The following PHF3 variants were observed in gnomAD, a reference collection of about 807,000 sequenced individuals.
PHF3 encodes PHD finger protein 3.
PHF3 carries 41 observed loss-of-function variants against 178.4 expected under a neutral mutation model. That is an observed-to-expected ratio of 0.23 (90% CI 0.18 to 0.30). PHF3 has a LOEUF of 0.30. Among genes scored for constraint, PHF3 ranks in the 10% least tolerant of loss-of-function variants. The probability of loss-of-function intolerance (pLI) is 1.00; values close to 1 mark genes in which losing one functional copy is unlikely to be tolerated. For synonymous variants in PHF3, 842 were observed against 800.5 expected (o/e 1.05, Z -0.88); for missense variants, 2,346 against 2,398.1 (o/e 0.98, Z 0.45).
At chr6:63,653,325 G>C (rs944954631) in intron 2 of PHF3, among the ~76,000 whole-genome samples, 4 of 151,786 alleles carry the variant, frequency 2.6e-5, no homozygotes, top group African/African-American at 9.7e-5. Context: ...AACCACGAAC[G>C]TTGGATGTCT....
Position 63,720,994 on chromosome 6 carries a change from G to A in PHF3, c.*7286G>A. The A allele has an allele frequency of 6.4e-7, 1 of 1,551,272 alleles. No individual in the cohort carries two copies. Among genetic ancestry groups the A allele is most frequent in the Non-Finnish European group, 8.7e-7 (1 of 1,146,768 alleles). ...GCTATTTTCAAGGTCTGATTATGGA[G>A]ACCAATTGCCAGAAAATCATTTTCT... On this transcript the variant is annotated 3_prime_UTR_variant, in exon 16 of 16. Transcript: ENST00000262043.
chr6:63,669,974 CA>C (rs531990025), intron 2 of PHF3, among the ~76,000 whole-genome samples: 35 of 152,082 alleles, frequency 2.3e-4, no homozygotes, highest in African/African-American at 7.9e-4. Flanking sequence ...ACAGAGTTGA[CA>C]TTTTTTTTTC....
intron 3 of PHF3, among the ~76,000 whole-genome samples, chr6:63,683,402 A>G (rs1397203185): frequency 6.6e-6 from 1 of 152,054 alleles, no homozygotes; most frequent in African/African-American, 2.4e-5. Context: ...AGAATAGGGA[A>G]ATGAAACTCT....
Position 63,713,228 on chromosome 6 carries a change from C to T in PHF3, c.5640C>T (p.Gly1880=), listed in dbSNP as rs935206489. The T allele has an allele frequency of 6.2e-7, 1 of 1,614,034 alleles. No homozygotes were observed. Among genetic ancestry groups the T allele is most frequent in the Non-Finnish European group, 8.5e-7 (1 of 1,179,976 alleles). ...GPLSQASRYI[G]PQNFYQVKDI... Reference sequence around the variant, plus strand: ...TCTCACAAGCATCAAGGTATATAGGCCCGCAGAATTTTTACCAGGTTAAAG... The same window carrying T: ...TCTCACAAGCATCAAGGTATATAGGTCCGCAGAATTTTTACCAGGTTAAAG... Residue 1880 remains glycine (G), a synonymous_variant, in exon 16 of 16, where the codon GGC becomes GGT. Coordinates refer to ENST00000262043, the MANE Select transcript of PHF3 (RefSeq NM_001370348.2).
chr6:63,660,745 G>C (rs1765431567), intron 2 of PHF3, among the ~76,000 whole-genome samples: 1 of 152,088 alleles, frequency 6.6e-6, no homozygotes, highest in Non-Finnish European at 1.5e-5. Context: ...ATTTCTCAGG[G>C]TCATAATTGC....
rs1768229534 is a variant in PHF3 at position 63,717,622 on chromosome 6, A to G, written c.*3914A>G. 6.6e-6 allele frequency among the ~76,000 whole-genome samples: 1 copy of G among 152,050 alleles called. No individual in the cohort carries two copies. The highest frequency in any genetic ancestry group is 2.1e-4 in the South Asian group (1 of 4,830). ...AGTTCACCATGTCAAGTTTCATCTT[A>G]TAGATAGATGCAGAGCAGAGTCATT... On this transcript the variant is annotated 3_prime_UTR_variant, in exon 16 of 16. Transcript: ENST00000262043.
At chr6:63,665,983 T>C (rs868548534) in intron 2 of PHF3, among the ~76,000 whole-genome samples, 2 of 152,210 alleles carry the variant, frequency 1.3e-5, no homozygotes, top group Non-Finnish European at 2.9e-5. Context: ...CATGTATTCA[T>C]CAAGGATACT....
intron 9 of PHF3, among the ~76,000 whole-genome samples, chr6:63,700,715 C>T (rs974903796): frequency 1.1e-4 from 17 of 152,098 alleles, no homozygotes; most frequent in Non-Finnish European, 2.2e-4. Flanking sequence ...TCCCAAGTAG[C>T]TGGGATTACA....
chr6:63,658,963 G>T (rs1439648744), intron 2 of PHF3, among the ~76,000 whole-genome samples: 1 of 152,034 alleles, frequency 6.6e-6, no homozygotes, highest in Non-Finnish European at 1.5e-5. Flanking sequence ...TTTTGTCTCT[G>T]AAGACCTTTA....
chr6:63,675,946 C>T (rs1459914787), intron 2 of PHF3, among the ~76,000 whole-genome samples: 3 of 152,244 alleles, frequency 2.0e-5, no homozygotes, highest in South Asian at 4.2e-4. Context: ...GATTTCTCTC[C>T]TTTATTCGTT....
At chr6:63,677,687 C>T (rs1348838500) in intron 2 of PHF3, among the ~76,000 whole-genome samples, 1 of 152,050 alleles carries the variant, frequency 6.6e-6, no homozygotes, top group African/African-American at 2.4e-5. Flanking sequence ...AATACATGCT[C>T]ATTATAGAAA....
intron 2 of PHF3, among the ~76,000 whole-genome samples, chr6:63,678,594 T>C (rs1766288058): frequency 6.6e-6 from 1 of 152,152 alleles, no homozygotes; most frequent in Non-Finnish European, 1.5e-5. Context: ...TTTTTTTTTT[T>C]TCTATCTAAA....
Position 63,720,631 on chromosome 6 carries a change from C to CATT in PHF3, c.*6924_*6926dup. ...TCATTTTGTTCATCTCCATCATAAA[C>CATT]ATTGTATCCTTCTAATTTAATTAGT... On this transcript the variant is annotated 3_prime_UTR_variant, in exon 16 of 16. Coordinates refer to ENST00000262043, the MANE Select transcript of PHF3 (RefSeq NM_001370348.2). 1.3e-6 allele frequency: 2 copies of CATT among 1,518,296 alleles called. No individual in the cohort carries two copies. Among genetic ancestry groups the CATT allele is most frequent in the Non-Finnish European group, 1.8e-6 (2 of 1,131,356 alleles). The allele number at this position is 1,518,296 out of a possible 1,614,324, so 94.1% of individuals were successfully genotyped here.
chr6:63,670,201 T>C, intron 2 of PHF3, among the ~76,000 whole-genome samples: 1 of 152,224 alleles, frequency 6.6e-6, no homozygotes, highest in East Asian at 1.9e-4. Context: ...TAAACTGTCA[T>C]CCTAATTCTG....
chr6:63,713,003 T>C lies in PHF3; in HGVS notation c.5415T>C (p.Leu1805=). The change falls in exon 16 of 16, where the codon CTT becomes CTC. Residue 1805 remains leucine (L), a synonymous_variant. Transcript: ENST00000262043. ...FSPMRPQQPN[L]QHLKSSPPGF... is the part of the protein sequence containing the mutation. ...CCATGAGGCCACAGCAGCCCAACCT[T>C]CAGCATCTCAAGTCTAGCCCACCTG... is the stretch of plus-strand genomic sequence containing the variant. The C allele has an allele frequency of 6.2e-7, 1 of 1,613,886 alleles. No homozygotes were observed. Among genetic ancestry groups the C allele is most frequent in the Middle Eastern group, 1.6e-4 (1 of 6,062 alleles).
intron 1 of PHF3, among the ~76,000 whole-genome samples, chr6:63,641,938 T>C (rs1334221104): frequency 1.3e-5 from 2 of 151,538 alleles, no homozygotes; most frequent in African/African-American, 2.4e-5. Flanking sequence ...TAAAGTGAAA[T>C]TTTTTTTTGC....
At chr6:63,671,257 A>G (rs1045729254) in intron 2 of PHF3, among the ~76,000 whole-genome samples, 3 of 152,214 alleles carry the variant, frequency 2.0e-5, no homozygotes, top group Non-Finnish European at 2.9e-5. Context: ...TGTTTAACAA[A>G]TATTTATTGC....
intron 4 of PHF3, 75 bp downstream of exon 4, chr6:63,685,986 G>A (rs1283555717): frequency 2.0e-6 from 2 of 1,006,592 alleles, no homozygotes; most frequent in Non-Finnish European, 2.9e-6. Context: ...ATTAATGTGA[G>A]AATTGTTTTA....
In PHF3 at chr6:63,720,599, T is replaced by C. The variant is rs1004373312; in HGVS notation, c.*6891T>C. 2.0e-5 allele frequency: 29 copies of C among 1,472,372 alleles called. No individual in the cohort carries two copies. The highest frequency in any genetic ancestry group is 2.5e-5 in the Non-Finnish European group (28 of 1,107,200). 91.2% of individuals were successfully genotyped at this position (1,472,372 alleles called of 1,614,324 possible). A position where few individuals can be genotyped will look rare whatever the true frequency, so the allele number is the denominator to read the frequency against. ...TACTAAAATCTCTAGTGTTAACTTATGTAACCTCATTTTGTTCATCTCCAT... is the reference window on the plus strand; with the variant it reads ...TACTAAAATCTCTAGTGTTAACTTACGTAACCTCATTTTGTTCATCTCCAT... On this transcript the variant is annotated 3_prime_UTR_variant, in exon 16 of 16. Transcript: ENST00000262043.
Sources: allele counts gnomAD v4.1 joint callset (sites outside exome capture counted in the v4.1 genomes callset), GRCh38; gene constraint gnomAD v4.1.1; transcripts MANE v1.5; gene names NCBI Gene and HGNC (gene_info 2026-07-23, HGNC 2026-07-21).